Variants in DVL1 observed in about 807,000 individuals in gnomAD.
The protein encoded by DVL1 is segment polarity protein dishevelled homolog DVL-1.
In DVL1, 49 loss-of-function variants were observed where a neutral mutation model predicts 65.0. The observed-to-expected ratio is 0.75, with a 90% CI of 0.60 to 0.96. The LOEUF (loss-of-function observed/expected upper bound fraction) is 0.96, where lower values mean the gene tolerates loss of function less well. Among genes scored for constraint, DVL1 ranks in the 40% least tolerant of loss-of-function variants. The pLI is 0.00. For missense variants in DVL1, 1,197 were observed against 1,045.4 expected (o/e 1.15, Z -2.00); for synonymous variants, 608 against 433.9 (o/e 1.40, Z -4.99).
rs1324763933 is a variant in DVL1, at chr1:1,349,409, G to A, written c.-344C>T. ...GGGACCGCCCGGCCCGGGGTCCTGA[G>A]CGTGGCCGCGGGGGGGCGCCCGAGC... On this transcript the variant is annotated 5_prime_UTR_variant, in exon 1 of 15. Transcript: ENST00000378888. This position sits in a 1 kb window ranked among gnomAD's most constrained non-coding sequence, Gnocchi z 4.1. 1 of 146,020 alleles carries A rather than the reference G, an allele frequency of 6.8e-6. No individual in the cohort carries two copies. Among genetic ancestry groups the A allele is most frequent in the South Asian group, 2.1e-4 (1 of 4,820 alleles). The allele number at this position is 146,020 out of a possible 1,614,324, so 9.0% of individuals were successfully genotyped here. A position where few individuals can be genotyped will look rare whatever the true frequency, so the allele number is the denominator to read the frequency against.
Position 1,342,749 on chromosome 1 carries a change from C to T in DVL1, c.180G>A (p.Lys60=). 1.2e-6 allele frequency: 2 copies of T among 1,612,928 alleles called. No individual in the cohort carries two copies. The highest frequency in any genetic ancestry group is 1.7e-6 in the Non-Finnish European group (2 of 1,179,730). Residue 60 remains lysine, a synonymous_variant, in exon 2 of 15, where the codon AAG becomes AAA. Coordinates refer to ENST00000378888, the MANE Select transcript of DVL1 (RefSeq NM_001330311.2). ...TGGCATTGTCATCAAAGATCTCCTC[C>T]TTCACCACCCTGTGGGCATATGCTG... ...KSMDQDFGVV[K]EEIFDDNAKL...
rs776810243 is a variant in DVL1, at chr1:1,341,728, G to C, written c.544C>G (p.Leu182Val). ...GLPPDSASTALSSELESSSFV... is the reference protein window; with the variant it reads ...GLPPDSASTAVSSELESSSFV... ...CTGCTGGACTCAAGCTCGCTGCTGA[G>C]GGCGGTGGACGCGCTGTCTGGGGGC... The change falls in exon 5 of 15, where the codon CTC becomes GTC. Residue 182 changes from leucine (L) to valine (V), a missense_variant. By Grantham distance (32) the Leu-to-Val change is conservative. Transcript: ENST00000378888. The C allele has an allele frequency of 9.4e-5, 151 of 1,611,228 alleles. No homozygotes were observed. The highest frequency in any genetic ancestry group is 1.2e-4 in the Non-Finnish European group (143 of 1,178,954).
intron 8 of DVL1, 86 bp downstream of exon 8, chr1:1,339,952 A>G (rs1643731630): frequency 3.6e-6 from 5 of 1,386,872 alleles, no homozygotes; most frequent in Admixed American, 4.1e-5. Flanking sequence ...CAGCCCCTAC[A>G]GACCCACCCG....
chr1:1,338,681 GC>G (rs779674910), intron 11 of DVL1, 28 bp from the exon 12 acceptor site: 1 of 1,599,980 alleles, frequency 6.3e-7, no homozygotes, highest in Admixed American at 1.7e-5. Flanking sequence ...CCCCGCTTCA[GC>G]CCCAGCATCT....
chr1:1,341,999 T>C lies in DVL1; in HGVS notation c.466+54A>G, dbSNP rs1006518938. 25 of 1,498,714 alleles carry C rather than the reference T, an allele frequency of 1.7e-5. No individual in the cohort carries two copies. The African/African-American group carries it at 2.9e-4, about 17-fold the overall frequency. The allele number at this position is 1,498,714 out of a possible 1,614,324, so 92.8% of individuals were successfully genotyped here. The stretch of plus-strand genomic sequence containing the variant: ...ACTGCTGTAGTAGGAACATGGCTCA[T>C]GGGGGTCCCAGGGAGGCTGGGGGTC... On this transcript the variant is annotated intron_variant, in intron 4 of 14. Coordinates refer to ENST00000378888, the MANE Select transcript of DVL1 (RefSeq NM_001330311.2).
chr1:1,341,468 G>T (rs1038384706), intron 5 of DVL1, among the ~76,000 whole-genome samples, 199 bp downstream of exon 5: 5 of 151,320 alleles, frequency 3.3e-5, no homozygotes, highest in Admixed American at 2.6e-4. Flanking sequence ...GCGCACACAC[G>T]TGCACAGTGA....
At chr1:1,339,980 A>G (rs77825636) in intron 8 of DVL1, 58 bp downstream of exon 8, 6 of 1,209,712 alleles carry the variant, frequency 5.0e-6, no homozygotes, top group Non-Finnish European at 6.2e-6. Flanking sequence ...ACGTCACCCC[A>G]AAGTCCCCAC....
rs897096552 is a variant in DVL1, at chr1:1,338,502, C to A, written c.1339+20G>T. 6.2e-7 allele frequency: 1 copy of A among 1,611,686 alleles called. No homozygotes were observed. The highest frequency in any genetic ancestry group is 1.3e-5 in the African/African-American group (1 of 74,918). ...CAGCCCTGCCCCTGGCACTATCCGCCCGCGGGGACGGCCACTCACCGATGA... is the reference window on the plus strand; with the variant it reads ...CAGCCCTGCCCCTGGCACTATCCGCACGCGGGGACGGCCACTCACCGATGA... On this transcript the variant is annotated intron_variant, in intron 12 of 14. Coordinates refer to ENST00000378888, the MANE Select transcript of DVL1 (RefSeq NM_001330311.2).
intron 3 of DVL1, 22 bp from the exon 4 acceptor site, chr1:1,342,178 G>T (rs1643858459): frequency 6.5e-7 from 1 of 1,541,906 alleles, no homozygotes; most frequent in Non-Finnish European, 8.8e-7. Context: ...GAGCAGGGTG[G>T]GTGGGGAGGC....
rs1023115744 is a variant in DVL1 at position 1,338,329 on chromosome 1, T to C, written c.1447A>G (p.Thr483Ala). 3.1e-6 allele frequency: 5 copies of C among 1,610,912 alleles called. No homozygotes were observed. Among genetic ancestry groups the C allele is most frequent in the African/African-American group, 2.7e-5 (2 of 74,486 alleles). ...SLLKHGFLRH[T>A]VNKITFSEQC... ...TCGGAGAAGGTGATCTTGTTGACCGTGTGCCGCAGGAAGCCGTGCTTCAGC... is the reference window on the plus strand; with the variant it reads ...TCGGAGAAGGTGATCTTGTTGACCGCGTGCCGCAGGAAGCCGTGCTTCAGC... The change falls in exon 13 of 15, where the codon ACG (threonine) becomes GCG (alanine). Residue 483 changes from threonine to alanine, a missense_variant. Physicochemically the swap from Thr to Ala is moderately conservative, Grantham distance 58. Coordinates refer to ENST00000378888, the MANE Select transcript of DVL1 (RefSeq NM_001330311.2).
At chr1:1,343,014 G>A (rs990196749) in intron 1 of DVL1, among the ~76,000 whole-genome samples, 10 of 150,728 alleles carry the variant, frequency 6.6e-5, no homozygotes, top group South Asian at 4.2e-4. Flanking sequence ...CTTCCTCTCC[G>A]TCACATCCTG....
At position 1,340,397 on chromosome 1, in the gene DVL1, C is replaced by T; in HGVS notation, c.699+13G>A. 6.2e-7 allele frequency: 1 copy of T among 1,611,868 alleles called. No homozygotes were observed. Among genetic ancestry groups the T allele is most frequent in the Non-Finnish European group, 8.5e-7 (1 of 1,179,358 alleles). ...GCCTCCCCAGCCCCGCCCTGCTCCA[C>T]CCGGCTGCCTACCCGGTCCGCCTGC... On this transcript the variant is annotated intron_variant, in intron 6 of 14. Coordinates refer to ENST00000378888, the MANE Select transcript of DVL1 (RefSeq NM_001330311.2).
intron 3 of DVL1, 99 bp downstream of exon 3, chr1:1,342,264 C>T (rs1643860332): frequency 1.0e-5 from 15 of 1,494,368 alleles, no homozygotes; most frequent in South Asian, 2.5e-5. Flanking sequence ...GCAGGTGCCA[C>T]GCCCGCCTAC....
At chr1:1,346,599 C>T (rs1643917292) in intron 1 of DVL1, among the ~76,000 whole-genome samples, 3 of 152,242 alleles carry the variant, frequency 2.0e-5, no homozygotes, top group Admixed American at 2.0e-4. Context: ...GACCTTCACC[C>T]ACTGGGCCAA....
intron 1 of DVL1, among the ~76,000 whole-genome samples, chr1:1,344,616 C>CT (rs1384655970): frequency 1.3e-5 from 2 of 152,152 alleles, no homozygotes; most frequent in African/African-American, 4.8e-5. Flanking sequence ...CCCCAAAGAG[C>CT]AGAGAAGGTC....
intron 1 of DVL1, among the ~76,000 whole-genome samples, chr1:1,343,212 C>T (rs193249223): frequency 3.9e-5 from 6 of 151,910 alleles, no homozygotes; most frequent in African/African-American, 7.3e-5. Context: ...TGGCCCCAGA[C>T]GCTGTCTCCA....
chr1:1,348,863 G>C (rs769968917), intron 1 of DVL1, 33 bp downstream of exon 1: 1 of 1,488,664 alleles, frequency 6.7e-7, no homozygotes, highest in Admixed American at 2.1e-5. Context: ...CCGAGCCCGC[G>C]CCAGGCTCGC....
intron 3 of DVL1, 80 bp from the exon 4 acceptor site, chr1:1,342,236 T>C: frequency 6.7e-7 from 1 of 1,500,342 alleles, no homozygotes; most frequent in Non-Finnish European, 8.9e-7. Context: ...TCCCCTCGCC[T>C]GTGGGACCCC....
intron 6 of DVL1, 33 bp from the exon 7 acceptor site, chr1:1,340,349 C>T (rs936672113): frequency 8.1e-6 from 13 of 1,613,666 alleles, no homozygotes; most frequent in African/African-American, 1.3e-5. Context: ...GTAAAAGGCA[C>T]GGGGCTGCCC....
Sources: allele counts gnomAD v4.1 joint callset (sites outside exome capture counted in the v4.1 genomes callset), GRCh38; gene constraint gnomAD v4.1.1; non-coding constraint Gnocchi (gnomAD v3.1); transcripts MANE v1.5; gene names NCBI Gene and HGNC (gene_info 2026-07-23, HGNC 2026-07-21).